Variants in XKR6 observed in about 807,000 individuals in gnomAD.
The protein encoded by XKR6 is XK-related protein 6.
A neutral mutation model predicts 56.7 loss-of-function variants in XKR6; 22 were observed. The observed-to-expected ratio is 0.39, with a 90% CI of 0.28 to 0.55. XKR6 has a LOEUF of 0.55. Among genes scored for constraint, XKR6 ranks in the 20% least tolerant of loss-of-function variants. XKR6 has a pLI of 0.66. For synonymous variants in XKR6, 524 were observed against 387.8 expected (o/e 1.35, Z -4.13); for missense variants, 852 against 889.0 (o/e 0.96, Z 0.53).
chr8:10,967,509 A>T (rs1199743690), intron 1 of XKR6, among the ~76,000 whole-genome samples: 1 of 152,196 alleles, frequency 6.6e-6, no homozygotes, highest in Non-Finnish European at 1.5e-5. Flanking sequence ...TGGACAGTGC[A>T]GGCAGCACTG....
rs528887110 is a variant in XKR6, at chr8:10,960,247, A to G, written c.765-35417T>C. On this transcript the variant is annotated intron_variant, in intron 1 of 2. Coordinates refer to ENST00000416569, the MANE Select transcript of XKR6 (RefSeq NM_173683.4). The stretch of plus-strand genomic sequence containing the variant: ...GCAGGTGGGTACAGGTATAGCAGGT[A>G]GGTGCAGGTATAGCAGGTGGGTGCA... Among the ~76,000 whole-genome samples, 38 of 150,114 alleles carry G rather than the reference A, an allele frequency of 2.5e-4. 1 individual carries two copies. Among genetic ancestry groups the G allele is most frequent in the African/African-American group, 8.9e-4 (36 of 40,326 alleles).
intron 1 of XKR6, among the ~76,000 whole-genome samples, chr8:10,966,147 C>T (rs2129132278): frequency 6.6e-6 from 1 of 152,268 alleles, no homozygotes; most frequent in East Asian, 1.9e-4. Context: ...CGGGTACATC[C>T]GGACTACTTG....
chr8:11,059,470 C>A (rs894541523), intron 1 of XKR6, among the ~76,000 whole-genome samples: 1 of 152,142 alleles, frequency 6.6e-6, no homozygotes, highest in African/African-American at 2.4e-5. Context: ...GAGAAGGAGG[C>A]CCCGCCCGAC....
intron 1 of XKR6, among the ~76,000 whole-genome samples, chr8:10,947,117 A>C (rs544175682): frequency 3.3e-4 from 50 of 152,250 alleles, no homozygotes; most frequent in African/African-American, 1.1e-3. Flanking sequence ...GTTGGAGCGG[A>C]AGACACAGTA....
chr8:11,200,119 G>A lies in XKR6; in HGVS notation c.764+457C>T, dbSNP rs534597637. Among the ~76,000 whole-genome samples, 192 of 152,198 alleles carry A rather than the reference G, an allele frequency of 1.3e-3. 2 individuals are homozygous for A. Among genetic ancestry groups the A allele is most frequent in the Non-Finnish European group, 2.3e-3 (156 of 68,046 alleles). ...GGTTTTTCCACAGGGCCCCACGCAG[G>A]CCACTGCAGAGGGAGAACGGGGGAA... On this transcript the variant is annotated intron_variant, in intron 1 of 2. Coordinates refer to ENST00000416569, the MANE Select transcript of XKR6 (RefSeq NM_173683.4). The surrounding 1 kb of genome is among the most constrained non-coding windows in gnomAD (Gnocchi z 6.4).
At chr8:10,981,981 CA>C (rs1473117926) in intron 1 of XKR6, among the ~76,000 whole-genome samples, 1 of 152,234 alleles carries the variant, frequency 6.6e-6, no homozygotes, top group Non-Finnish European at 1.5e-5. Context: ...CTATATAAAA[CA>C]AGGCTCATGC....
intron 2 of XKR6, among the ~76,000 whole-genome samples, chr8:10,899,535 G>T (rs142452352): frequency 6.6e-6 from 1 of 152,158 alleles, no homozygotes; most frequent in Non-Finnish European, 1.5e-5. Flanking sequence ...GGGATATCCC[G>T]CCCATTTCAC....
At chr8:10,947,291 G>A (rs904995989) in intron 1 of XKR6, among the ~76,000 whole-genome samples, 8 of 152,190 alleles carry the variant, frequency 5.3e-5, no homozygotes, top group East Asian at 3.8e-4. Context: ...GGGATGAACC[G>A]AAAAGGAGAG....
intron 1 of XKR6, among the ~76,000 whole-genome samples, chr8:11,041,471 G>T (rs998197072): frequency 1.8e-4 from 28 of 151,856 alleles, no homozygotes; most frequent in African/African-American, 6.3e-4. Flanking sequence ...CAGGAGTATC[G>T]CTTGAACCTG....
intron 1 of XKR6, among the ~76,000 whole-genome samples, chr8:11,015,232 T>C (rs1798591957): frequency 1.3e-5 from 2 of 152,082 alleles, no homozygotes; most frequent in South Asian, 4.2e-4. Context: ...ATTCTTTTAG[T>C]TCCAATTTCA....
intron 1 of XKR6, among the ~76,000 whole-genome samples, chr8:11,043,097 G>A (rs906454546): frequency 3.9e-5 from 6 of 152,188 alleles, no homozygotes; most frequent in South Asian, 2.1e-4. Context: ...CTCAGAACAC[G>A]CAGGGCTCCC....
At chr8:10,932,437 T>A (rs576606061) in intron 1 of XKR6, among the ~76,000 whole-genome samples, 65 of 150,864 alleles carry the variant, frequency 4.3e-4, no homozygotes, top group African/African-American at 1.3e-3. Flanking sequence ...TTTTTTTTTT[T>A]ATTATACTTT....
intron 1 of XKR6, among the ~76,000 whole-genome samples, chr8:10,941,222 G>GC (rs761129049): frequency 8.0e-4 from 122 of 152,170 alleles, no homozygotes; most frequent in Non-Finnish European, 1.4e-3. Context: ...CTCCACCTGT[G>GC]CCCCCCTCCC....
chr8:10,910,792 A>G (rs2129110128), intron 2 of XKR6, among the ~76,000 whole-genome samples: 1 of 152,350 alleles, frequency 6.6e-6, no homozygotes, highest in East Asian at 1.9e-4. Flanking sequence ...TCAAAATACC[A>G]GCTTCACAGC....
At chr8:10,929,700 T>C (rs13439728) in intron 1 of XKR6, among the ~76,000 whole-genome samples, 2,111 of 152,302 alleles carry the variant, frequency 0.014, 52 homozygotes, top group African/African-American at 0.046. Context: ...CAGGACATGA[T>C]GGACGAATGA....
At chr8:11,061,827 G>A (rs938058110) in intron 1 of XKR6, among the ~76,000 whole-genome samples, 1 of 152,212 alleles carries the variant, frequency 6.6e-6, no homozygotes, top group Non-Finnish European at 1.5e-5. Context: ...GGCAGCCATC[G>A]GTGATGGGGC....
At chr8:11,046,742 T>C (rs1045831484) in intron 1 of XKR6, among the ~76,000 whole-genome samples, 19 of 152,290 alleles carry the variant, frequency 1.2e-4, no homozygotes, top group Middle Eastern at 3.4e-3. Flanking sequence ...CATGGATGAA[T>C]AGACAAAGAA....
At chr8:11,049,536 C>G (rs1799492768) in intron 1 of XKR6, among the ~76,000 whole-genome samples, 1 of 152,118 alleles carries the variant, frequency 6.6e-6, no homozygotes, top group South Asian at 2.1e-4. Context: ...CTACTGACAC[C>G]ACTAAGAGGG....
At chr8:11,071,385 A>G (rs558097662) in intron 1 of XKR6, among the ~76,000 whole-genome samples, 2 of 152,174 alleles carry the variant, frequency 1.3e-5, no homozygotes, top group Non-Finnish European at 2.9e-5. Flanking sequence ...GATTACAGGC[A>G]CGCGCCACCA....
Sources: gnomAD v4.1 joint callset for allele counts (sites outside exome capture counted in the v4.1 genomes callset) on GRCh38, gnomAD v4.1.1 for gene constraint, Gnocchi (gnomAD v3.1) non-coding constraint, MANE v1.5 for transcripts, NCBI Gene and HGNC (gene_info 2026-07-23, HGNC 2026-07-21) for gene names.